MOB3B: variants seen among roughly 807,000 people sequenced by gnomAD.
MOB3B encodes the protein MOB kinase activator-like 2B.
MOB3B carries 7 observed loss-of-function variants against 18.7 expected under a neutral mutation model. The ratio of observed to expected loss-of-function variants is 0.37; its 90% confidence interval spans 0.21 to 0.70. MOB3B has a LOEUF of 0.70. Among genes scored for constraint, MOB3B ranks in the 30% least tolerant of loss-of-function variants. The pLI, the probability that MOB3B is intolerant of heterozygous loss-of-function variation, is 0.52. For synonymous variants in MOB3B, 111 were observed against 99.9 expected (o/e 1.11, Z -0.66); for missense variants, 253 against 281.3 (o/e 0.90, Z 0.72).
chr9:27,425,079 A>G (rs780663013), intron 2 of MOB3B, among the ~76,000 whole-genome samples: 13 of 152,212 alleles, frequency 8.5e-5, no homozygotes, highest in Non-Finnish European at 1.6e-4. Flanking sequence ...ATCCTCATTC[A>G]AAGTAACTGG....
At chr9:27,490,241 C>T (rs1249525036) in intron 1 of MOB3B, among the ~76,000 whole-genome samples, 1 of 152,088 alleles carries the variant, frequency 6.6e-6, no homozygotes, top group East Asian at 1.9e-4. Flanking sequence ...GAGGACCTAC[C>T]ACGTATCAGG....
At chr9:27,456,609 C>T (rs1822874297) in intron 1 of MOB3B, among the ~76,000 whole-genome samples, 1 of 152,216 alleles carries the variant, frequency 6.6e-6, no homozygotes, top group South Asian at 2.1e-4. Flanking sequence ...TGAGTTGGTT[C>T]TGTTTCTTGC....
At chr9:27,503,021 A>C (rs900193075) in intron 1 of MOB3B, among the ~76,000 whole-genome samples, 12 of 152,154 alleles carry the variant, frequency 7.9e-5, no homozygotes, top group Admixed American at 5.2e-4. Flanking sequence ...AGTTTCCCAA[A>C]GCTGTAAGTG....
At chr9:27,478,980 C>T (rs535518230) in intron 1 of MOB3B, among the ~76,000 whole-genome samples, 2 of 151,918 alleles carry the variant, frequency 1.3e-5, no homozygotes, top group East Asian at 1.9e-4. Context: ...AATACAGAGG[C>T]CAGATGATAA....
chr9:27,513,415 C>T (rs769348417), intron 1 of MOB3B, among the ~76,000 whole-genome samples: 4 of 152,158 alleles, frequency 2.6e-5, no homozygotes, highest in Non-Finnish European at 5.9e-5. Context: ...CCTTCAAGCA[C>T]ACATCATATC....
chr9:27,350,517 C>A (rs1821088712), intron 3 of MOB3B, among the ~76,000 whole-genome samples: 1 of 152,104 alleles, frequency 6.6e-6, no homozygotes, highest in African/African-American at 2.4e-5. Context: ...AAAAATGAAC[C>A]ACCCAACACC....
At chr9:27,497,681 T>C (rs1819921552) in intron 1 of MOB3B, among the ~76,000 whole-genome samples, 1 of 152,180 alleles carries the variant, frequency 6.6e-6, no homozygotes, top group Non-Finnish European at 1.5e-5. Flanking sequence ...TTTTACTTAT[T>C]CCTTTCTCTT....
chr9:27,411,452 G>C (rs1160002700), intron 2 of MOB3B, among the ~76,000 whole-genome samples: 1 of 152,180 alleles, frequency 6.6e-6, no homozygotes, highest in Admixed American at 6.5e-5. Flanking sequence ...GGCCATAGAC[G>C]GGTAAGAGAG....
At chr9:27,477,643 A>G (rs773139721) in intron 1 of MOB3B, among the ~76,000 whole-genome samples, 3 of 152,238 alleles carry the variant, frequency 2.0e-5, no homozygotes, top group Non-Finnish European at 4.4e-5. Context: ...ATTTACCCAG[A>G]TCCTCTTTCA....
intron 2 of MOB3B, among the ~76,000 whole-genome samples, chr9:27,418,410 G>A (rs566205818): frequency 3.3e-5 from 5 of 152,008 alleles, no homozygotes; most frequent in Non-Finnish European, 7.4e-5. Flanking sequence ...CAATATCCCT[G>A]ATGAACATAG....
intron 2 of MOB3B, among the ~76,000 whole-genome samples, chr9:27,386,784 GCAAT>G (rs1216078686): frequency 1.3e-5 from 2 of 152,190 alleles, no homozygotes; most frequent in Non-Finnish European, 2.9e-5. Context: ...GGCCAAGGCA[GCAAT>G]CAAAGTATCA....
chr9:27,508,790 T>C (rs1008617071), intron 1 of MOB3B, among the ~76,000 whole-genome samples: 4 of 152,122 alleles, frequency 2.6e-5, no homozygotes, highest in African/African-American at 7.2e-5. Flanking sequence ...CTTAAAACAA[T>C]ACAGTAAATC....
chr9:27,501,998 G>A (rs1819999392), intron 1 of MOB3B, among the ~76,000 whole-genome samples: 1 of 152,120 alleles, frequency 6.6e-6, no homozygotes, highest in South Asian at 2.1e-4. Context: ...AACAAAAAGG[G>A]CAAAGACTAG....
intron 1 of MOB3B, among the ~76,000 whole-genome samples, chr9:27,501,885 A>C (rs765766430): frequency 6.6e-6 from 1 of 151,634 alleles, no homozygotes; most frequent in African/African-American, 2.4e-5. Context: ...TTTACTTGAC[A>C]AAAAAAAGAG....
intron 1 of MOB3B, among the ~76,000 whole-genome samples, chr9:27,500,163 T>A (rs1335972273): frequency 6.6e-6 from 1 of 152,010 alleles, no homozygotes; most frequent in Non-Finnish European, 1.5e-5. Flanking sequence ...TTGAATTGAG[T>A]CTGGTTCACC....
intron 1 of MOB3B, among the ~76,000 whole-genome samples, chr9:27,462,894 T>TA (rs1819316035): frequency 6.6e-6 from 1 of 152,144 alleles, no homozygotes; most frequent in Non-Finnish European, 1.5e-5. Context: ...AATTCGAAAA[T>TA]ACAGTTTGAA....
At chr9:27,379,384 A>T (rs1821540272) in intron 2 of MOB3B, among the ~76,000 whole-genome samples, 1 of 152,202 alleles carries the variant, frequency 6.6e-6, no homozygotes, top group African/African-American at 2.4e-5. Context: ...CTGTGGGGTG[A>T]CAGTGCTGGT....
At chr9:27,469,298 A>G (rs1819436003) in intron 1 of MOB3B, among the ~76,000 whole-genome samples, 1 of 152,066 alleles carries the variant, frequency 6.6e-6, no homozygotes, top group Non-Finnish European at 1.5e-5. Flanking sequence ...GAGAAAAAAA[A>G]TGTATCATCT....
intron 2 of MOB3B, among the ~76,000 whole-genome samples, chr9:27,433,501 A>G (rs1822447662): frequency 6.6e-6 from 1 of 152,220 alleles, no homozygotes; most frequent in Non-Finnish European, 1.5e-5. Flanking sequence ...ATGCAAAAAA[A>G]TCTTTGAGAT....
Sources: gnomAD v4.1 joint callset for allele counts (sites outside exome capture counted in the v4.1 genomes callset) on GRCh38, gnomAD v4.1.1 for gene constraint, MANE v1.5 for transcripts, NCBI Gene and HGNC (gene_info 2026-07-23, HGNC 2026-07-21) for gene names.